Variants in NCOA1 observed in about 807,000 individuals in gnomAD.
NCOA1 encodes Hin-2 protein.
Under a neutral mutation model 150.9 loss-of-function variants are expected in NCOA1, and 35 were observed. The ratio of observed to expected loss-of-function variants is 0.23; its 90% CI spans 0.18 to 0.31. The LOEUF (loss-of-function observed/expected upper bound fraction) is 0.31, where lower values mean the gene tolerates loss of function less well. Ranked by LOEUF, NCOA1 falls within the 10% of genes least tolerant of loss-of-function variation. The pLI is 1.00. For synonymous variants in NCOA1, 590 were observed against 630.0 expected, an observed-to-expected ratio of 0.94 and a Z score of 0.95; for missense variants, 1,491 against 1,749.3, an observed-to-expected ratio of 0.85 and a Z score of 2.63.
chr2:24,648,504 C>T (rs1049343595), intron 4 of NCOA1, among the ~76,000 whole-genome samples: 5 of 152,238 alleles, frequency 3.3e-5, no homozygotes, highest in African/African-American at 1.2e-4. Context: ...AACTCCTGAC[C>T]TCATGATCCA....
In NCOA1 at chr2:24,535,365, C is replaced by G. The variant is rs143151737; in HGVS notation, c.-395-28930C>G. Among the ~76,000 whole-genome samples, 1,303 of 152,218 alleles carry G rather than the reference C, an allele frequency of 8.6e-3. 13 individuals carry two copies. Among genetic ancestry groups the G allele is most frequent in the Admixed American group, 0.014 (211 of 15,288 alleles). ...GTGTCTCTGCACGTGAGTGGGTCTCCTGAATACAGCACACTGATGGGTCCT... is the reference window on the plus strand; with the variant it reads ...GTGTCTCTGCACGTGAGTGGGTCTCGTGAATACAGCACACTGATGGGTCCT... On this transcript the variant is annotated intron_variant, in intron 1 of 22. Transcript: ENST00000348332.
intron 14 of NCOA1, among the ~76,000 whole-genome samples, chr2:24,721,540 A>C (rs1674357033): frequency 6.6e-6 from 1 of 152,246 alleles, no homozygotes; most frequent in Admixed American, 6.5e-5. Context: ...GTTGTGAGGA[A>C]TAGGCCTTGG....
chr2:24,532,859 T>C (rs1201958381), intron 1 of NCOA1, among the ~76,000 whole-genome samples: 2 of 152,182 alleles, frequency 1.3e-5, no homozygotes, highest in Non-Finnish European at 2.9e-5. Context: ...ACTGTAGCCT[T>C]GTAGTATAGT....
chr2:24,716,532 C>T (rs2148615728), intron 14 of NCOA1, among the ~76,000 whole-genome samples: 1 of 152,108 alleles, frequency 6.6e-6, no homozygotes, highest in Middle Eastern at 3.4e-3. Flanking sequence ...TCTCCTCATC[C>T]CATACACAAA....
intron 3 of NCOA1, among the ~76,000 whole-genome samples, chr2:24,585,863 A>G (rs1228232099): frequency 6.6e-6 from 1 of 152,198 alleles, no homozygotes; most frequent in Non-Finnish European, 1.5e-5. Flanking sequence ...GTCCTCTTTT[A>G]TTAGTTTTTC....
chr2:24,656,770 C>T (rs974850442), intron 4 of NCOA1, among the ~76,000 whole-genome samples: 2 of 152,204 alleles, frequency 1.3e-5, no homozygotes, highest in African/African-American at 4.8e-5. Context: ...CAAGTTTGTC[C>T]ATGTTGCCAT....
intron 14 of NCOA1, among the ~76,000 whole-genome samples, chr2:24,726,351 C>A (rs532218908): frequency 6.6e-6 from 1 of 151,936 alleles, no homozygotes; most frequent in Non-Finnish European, 1.5e-5. Context: ...TAACAGTAAC[C>A]TATGTACAAA....
intron 17 of NCOA1, among the ~76,000 whole-genome samples, chr2:24,736,500 A>G (rs538480647): frequency 1.1e-4 from 17 of 152,348 alleles, no homozygotes; most frequent in African/African-American, 4.1e-4. Context: ...ATCATCTTTT[A>G]TATATTATAG....
chr2:24,691,851 C>T (rs919911251), intron 9 of NCOA1, among the ~76,000 whole-genome samples, 191 bp downstream of exon 9: 4 of 152,156 alleles, frequency 2.6e-5, no homozygotes, highest in African/African-American at 7.2e-5. Context: ...AGAATCATTC[C>T]TTTAATATGC....
intron 22 of NCOA1, among the ~76,000 whole-genome samples, chr2:24,763,537 CA>C (rs35265100): frequency 0.59 from 47,847 of 80,988 alleles, 11,340 homozygotes; most frequent in Middle Eastern, 0.73. Context: ...GACTCCATCT[CA>C]AAAAAAAAAA....
At chr2:24,523,112 T>G (rs1360833185) in intron 1 of NCOA1, among the ~76,000 whole-genome samples, 1 of 152,210 alleles carries the variant, frequency 6.6e-6, no homozygotes, top group Non-Finnish European at 1.5e-5. Flanking sequence ...TTATTTGCAT[T>G]TGGGGTTATC....
chr2:24,600,363 G>A (rs975225266), intron 3 of NCOA1, among the ~76,000 whole-genome samples: 1 of 151,980 alleles, frequency 6.6e-6, no homozygotes, highest in East Asian at 1.9e-4. Context: ...GTGCCACCAC[G>A]CCCTGCTAAT....
chr2:24,606,155 T>G (rs1297772992), intron 3 of NCOA1, among the ~76,000 whole-genome samples: 1 of 152,116 alleles, frequency 6.6e-6, no homozygotes, highest in Non-Finnish European at 1.5e-5. Context: ...GATGAACATT[T>G]GGGATTTCTC....
intron 1 of NCOA1, among the ~76,000 whole-genome samples, chr2:24,523,797 G>C (rs1438312029): frequency 6.7e-6 from 1 of 149,556 alleles, no homozygotes; most frequent in East Asian, 2.0e-4. Flanking sequence ...GTGGTGGCGC[G>C]TGCCTGTAGT....
At chr2:24,654,395 A>T (rs1670835021) in intron 4 of NCOA1, among the ~76,000 whole-genome samples, 1 of 152,206 alleles carries the variant, frequency 6.6e-6, no homozygotes, top group African/African-American at 2.4e-5. Flanking sequence ...AATGCAGTTC[A>T]TCTCATTTAT....
At chr2:24,576,149 G>GTTTTTTTTTGTTTTTTTTTTTTTTTTTTT (rs1666947727) in intron 2 of NCOA1, among the ~76,000 whole-genome samples, 4 of 94,024 alleles carry the variant, frequency 4.3e-5, no homozygotes, top group African/African-American at 9.0e-5. Context: ...TTTGGCCTTT[G>GTTTTTTTTTGTTTTTTTTTTTTTTTTTTT]TTTTTTTTTT....
At chr2:24,599,419 ATCTC>A (rs912686328) in intron 3 of NCOA1, among the ~76,000 whole-genome samples, 1 of 152,238 alleles carries the variant, frequency 6.6e-6, no homozygotes, top group Non-Finnish European at 1.5e-5. Flanking sequence ...ATGGTAAATC[ATCTC>A]TCTCAGTATA....
At chr2:24,589,886 C>T (rs1364418270) in intron 3 of NCOA1, among the ~76,000 whole-genome samples, 1 of 152,056 alleles carries the variant, frequency 6.6e-6, no homozygotes, top group Non-Finnish European at 1.5e-5. Flanking sequence ...CCTTTTAATC[C>T]CACAATCCTT....
chr2:24,659,367 G>T (rs1431982845), intron 5 of NCOA1, among the ~76,000 whole-genome samples: 1 of 152,152 alleles, frequency 6.6e-6, no homozygotes, highest in Non-Finnish European at 1.5e-5. Context: ...AAAAATGATT[G>T]TGTAGTTAAA....
Sources: gnomAD v4.1 joint callset for allele counts (sites outside exome capture counted in the v4.1 genomes callset) on GRCh38, gnomAD v4.1.1 for gene constraint, MANE v1.5 for transcripts, NCBI Gene and HGNC (gene_info 2026-07-23, HGNC 2026-07-21) for gene names.